Variants in DSTYK observed in about 807,000 individuals in gnomAD.
DSTYK encodes the protein RIP-homologous kinase.
DSTYK carries 34 observed loss-of-function variants against 98.7 expected under a neutral mutation model. The ratio of observed to expected loss-of-function variants is 0.34; its 90% CI spans 0.26 to 0.46. The LOEUF (loss-of-function observed/expected upper bound fraction) is 0.46, where lower values mean the gene tolerates loss of function less well. Among genes scored for constraint, DSTYK ranks in the 20% least tolerant of loss-of-function variants. The pLI is 1.00. For missense variants in DSTYK, 962 were observed against 1,181.7 expected, an observed-to-expected ratio of 0.81 and a Z score of 2.73; for synonymous variants, 462 against 457.3, an observed-to-expected ratio of 1.01 and a Z score of -0.13.
intron 2 of DSTYK, among the ~76,000 whole-genome samples, chr1:205,183,204 G>A (rs906798796): frequency 1.3e-5 from 2 of 152,182 alleles, no homozygotes; most frequent in East Asian, 1.9e-4. Context: ...ATGCTTGAAG[G>A]AAAGGCAGGA....
chr1:205,185,058 G>A lies in DSTYK; in HGVS notation c.654+2360C>T, dbSNP rs183003504. Among the ~76,000 whole-genome samples the A allele has an allele frequency of 1.6e-4, 24 of 152,080 alleles. No homozygotes were observed. In the East Asian group the frequency reaches 4.7e-3, roughly 30 times the overall value. On this transcript the variant is annotated intron_variant, in intron 2 of 12. Coordinates refer to ENST00000367162, the MANE Select transcript of DSTYK (RefSeq NM_015375.3). The stretch of plus-strand genomic sequence containing the variant: ...TCTACTAAAAATACAAAAATTAGCT[G>A]GGCGTGGTGGCACACACCTGTAATC...
At chr1:205,182,763 G>A (rs1029772697) in intron 2 of DSTYK, among the ~76,000 whole-genome samples, 3 of 150,506 alleles carry the variant, frequency 2.0e-5, no homozygotes, top group East Asian at 2.0e-4. Context: ...CCGAGATTGC[G>A]TCATTGCATT....
intron 3 of DSTYK, among the ~76,000 whole-genome samples, chr1:205,168,100 A>C (rs922595840): frequency 3.9e-5 from 6 of 152,170 alleles, no homozygotes; most frequent in African/African-American, 1.4e-4. Context: ...AGCGAGACTT[A>C]ATCTCAAAAA....
intron 3 of DSTYK, among the ~76,000 whole-genome samples, chr1:205,164,263 G>T (rs1459319265): frequency 2.0e-5 from 3 of 152,018 alleles, no homozygotes; most frequent in African/African-American, 7.3e-5. Flanking sequence ...GATGAGCTTG[G>T]GTAACAGTGA....
intron 2 of DSTYK, among the ~76,000 whole-genome samples, chr1:205,187,144 A>G (rs1658579143): frequency 6.6e-6 from 1 of 152,230 alleles, no homozygotes; most frequent in Non-Finnish European, 1.5e-5. Flanking sequence ...AGATACAAGT[A>G]TCACATATTC....
chr1:205,203,573 G>A (rs1312613584), intron 1 of DSTYK, among the ~76,000 whole-genome samples: 1 of 88,832 alleles, frequency 1.1e-5, no homozygotes, highest in Non-Finnish European at 2.2e-5. Context: ...GGGGAGGGGA[G>A]GGGAGGGGAG....
chr1:205,207,418 G>C (rs181222306), intron 1 of DSTYK, among the ~76,000 whole-genome samples: 18 of 151,666 alleles, frequency 1.2e-4, no homozygotes, highest in Admixed American at 1.1e-3. Flanking sequence ...ATGACAAATT[G>C]CAACAGCTAG....
At chr1:205,154,204 G>A (rs1558599732) in intron 10 of DSTYK, among the ~76,000 whole-genome samples, 1 of 151,996 alleles carries the variant, frequency 6.6e-6, no homozygotes, top group Non-Finnish European at 1.5e-5. Flanking sequence ...TCAAAACAGT[G>A]TAGGGGGAAA....
chr1:205,172,024 C>T (rs971563038), intron 2 of DSTYK, among the ~76,000 whole-genome samples: 5 of 152,152 alleles, frequency 3.3e-5, no homozygotes, highest in South Asian at 2.1e-4. Context: ...GGCACGAGCT[C>T]GGCTCACTGC....
intron 10 of DSTYK, among the ~76,000 whole-genome samples, chr1:205,154,507 C>A (rs969390119): frequency 2.6e-5 from 4 of 152,150 alleles, no homozygotes; most frequent in African/African-American, 7.2e-5. Flanking sequence ...CTTCCTGAGG[C>A]CTCTCCAGCC....
chr1:205,170,875 G>C (rs1658040249), intron 2 of DSTYK, among the ~76,000 whole-genome samples: 2 of 151,994 alleles, frequency 1.3e-5, no homozygotes, highest in Admixed American at 6.6e-5. Context: ...AGCTAGAACA[G>C]CAGCGATCAC....
intron 10 of DSTYK, among the ~76,000 whole-genome samples, chr1:205,156,205 C>A (rs1346905991): frequency 6.6e-6 from 1 of 152,210 alleles, no homozygotes; most frequent in Non-Finnish European, 1.5e-5. Flanking sequence ...TTGGAGCCCC[C>A]ACAGAAAGTC....
chr1:205,154,238 G>A (rs1369925126), intron 10 of DSTYK, among the ~76,000 whole-genome samples: 1 of 151,984 alleles, frequency 6.6e-6, no homozygotes, highest in Non-Finnish European at 1.5e-5. Flanking sequence ...CATCAGCTAG[G>A]TCTATGATGA....
At chr1:205,187,310 T>C in intron 2 of DSTYK, 108 bp downstream of exon 2, 1 of 1,290,008 alleles carries the variant, frequency 7.8e-7, no homozygotes, top group Non-Finnish European at 1.0e-6. Flanking sequence ...TAGCCACTGC[T>C]GCTCAGAGTT....
rs1468708162 is a variant in DSTYK, at chr1:205,162,994, C to T, written c.1570G>A (p.Ala524Thr). 6.2e-7 allele frequency: 1 copy of T among 1,613,910 alleles called. No homozygotes were observed. Among genetic ancestry groups the T allele is most frequent in the African/African-American group, 1.3e-5 (1 of 74,928 alleles). Reference protein sequence around the residue: ...SNYLKQILNAAYHVEVTFHSG... With the variant: ...SNYLKQILNATYHVEVTFHSG... Reference sequence around the variant, plus strand: ...TGAAACGTGACTTCAACATGATAGGCAGCATTTAAGATCTGAAAGAGACAA... The same window carrying T: ...TGAAACGTGACTTCAACATGATAGGTAGCATTTAAGATCTGAAAGAGACAA... Residue 524 changes from alanine to threonine, a missense_variant, in exon 5 of 13, where the codon GCC becomes ACC. This residue lies in a region of DSTYK where 660 missense variants were observed against 855.0 expected (regional missense o/e 0.77). Transcript: ENST00000367162.
chr1:205,193,148 CTT>C (rs965054751), intron 1 of DSTYK, among the ~76,000 whole-genome samples: 7 of 152,122 alleles, frequency 4.6e-5, no homozygotes, highest in African/African-American at 1.4e-4. Flanking sequence ...TCTAAAGTCT[CTT>C]TGCTAAAAGA....
intron 10 of DSTYK, among the ~76,000 whole-genome samples, chr1:205,155,668 T>A (rs537548913): frequency 0.012 from 1,786 of 147,880 alleles, 36 homozygotes; most frequent in African/African-American, 0.039. Flanking sequence ...AAAAAAATTT[T>A]TAAAAAAAAG....
In DSTYK at chr1:205,177,350, C is replaced by T. The variant is rs186402732; in HGVS notation, c.655-7518G>A. 7.6e-4 allele frequency among the ~76,000 whole-genome samples: 115 copies of T among 152,260 alleles called. 6 individuals carry two copies. In the East Asian group the frequency reaches 0.011, roughly 14 times the overall value. On this transcript the variant is annotated intron_variant, in intron 2 of 12. Transcript: ENST00000367162. Reference sequence around the variant, plus strand: ...CAACTATATATTAGTAATTGTCCTGCCCTTGGACAGCCTTGACCTCTATCC... The same window carrying T: ...CAACTATATATTAGTAATTGTCCTGTCCTTGGACAGCCTTGACCTCTATCC...
chr1:205,187,332 T>A, intron 2 of DSTYK, 86 bp downstream of exon 2: 1 of 1,429,222 alleles, frequency 7.0e-7, no homozygotes, highest in Non-Finnish European at 9.4e-7. Flanking sequence ...AGACTATATA[T>A]CATCGAATTA....
Sources: allele counts gnomAD v4.1 joint callset (sites outside exome capture counted in the v4.1 genomes callset), GRCh38; gene constraint gnomAD v4.1.1; regional missense constraint gnomAD v4.1.1; transcripts MANE v1.5; gene names NCBI Gene and HGNC (gene_info 2026-07-23, HGNC 2026-07-21).